CEP290: variants seen among roughly 807,000 people sequenced by gnomAD.
CEP290 encodes centrosomal protein of 290 kDa.
Under a neutral mutation model 344.9 loss-of-function variants are expected in CEP290, and 317 were observed. The ratio of observed to expected loss-of-function variants is 0.92; its 90% confidence interval spans 0.84 to 1.01. The LOEUF is 1.01. Among genes scored for constraint, CEP290 ranks in the 50% least tolerant of loss-of-function variants. CEP290 has a pLI of 0.00. For missense variants in CEP290, 2,754 were observed against 2,761.4 expected (o/e 1.00, Z 0.06); for synonymous variants, 932 against 895.8 (o/e 1.04, Z -0.72).
chr12:88,133,031 C>T (rs1268285151), intron 6 of CEP290, among the ~76,000 whole-genome samples: 1 of 151,316 alleles, frequency 6.6e-6, no homozygotes, highest in Non-Finnish European at 1.5e-5. Flanking sequence ...ATGGCTTCCA[C>T]CTCCATCCCA....
At chr12:88,117,464 G>C (rs924548053) in intron 17 of CEP290, among the ~76,000 whole-genome samples, 17 of 152,096 alleles carry the variant, frequency 1.1e-4, no homozygotes, top group African/African-American at 3.9e-4. Flanking sequence ...TGAGTAAACT[G>C]ATTATTGTAC....
chr12:88,106,613 C>T (rs1222577360), intron 25 of CEP290, 62 bp downstream of exon 25: 3 of 1,040,138 alleles, frequency 2.9e-6, no homozygotes, highest in East Asian at 5.0e-5. Flanking sequence ...TGATACCATC[C>T]TATCTTCTGC....
rs1366616977 is a variant in CEP290 at position 88,130,258 on chromosome 12, G to A, written c.669+10C>T. 6.3e-7 allele frequency: 1 copy of A among 1,591,694 alleles called. No individual in the cohort carries two copies. The highest frequency in any genetic ancestry group is 8.5e-7 in the Non-Finnish European group (1 of 1,173,810). On this transcript the variant is annotated intron_variant, in intron 9 of 53. Coordinates refer to ENST00000552810, the MANE Select transcript of CEP290 (RefSeq NM_025114.4). ...AACCATTGCTCTGAATTGACTTCTA[G>A]CCATTTTACCTGAATTTCATCAAGA... is the stretch of plus-strand genomic sequence containing the variant.
At chr12:88,083,664 T>C (rs919764588) in intron 36 of CEP290, among the ~76,000 whole-genome samples, 183 bp downstream of exon 36, 1 of 152,154 alleles carries the variant, frequency 6.6e-6, no homozygotes. Flanking sequence ...GGCTAAGAAT[T>C]ATAAATATAA....
At chr12:88,102,400 G>A (rs1326904585) in intron 26 of CEP290, among the ~76,000 whole-genome samples, 1 of 152,116 alleles carries the variant, frequency 6.6e-6, no homozygotes, top group Non-Finnish European at 1.5e-5. Context: ...CCATTCCAAG[G>A]AACAAAAGCC....
chr12:88,054,309 A>T (rs2033822892), intron 51 of CEP290, 31 bp downstream of exon 51: 1 of 1,465,766 alleles, frequency 6.8e-7, no homozygotes, highest in Non-Finnish European at 9.3e-7. Flanking sequence ...TAAAGAAAAA[A>T]ACAAAGTAGT....
chr12:88,078,896 C>T (rs2035980557), intron 39 of CEP290, among the ~76,000 whole-genome samples, 196 bp downstream of exon 39: 1 of 152,032 alleles, frequency 6.6e-6, no homozygotes, highest in East Asian at 1.9e-4. Context: ...CTTTCCTAAT[C>T]CCCAAGATGA....
At chr12:88,139,466 C>A (rs1184580610) in intron 4 of CEP290, 29 bp downstream of exon 4, 2 of 1,543,526 alleles carry the variant, frequency 1.3e-6, no homozygotes, top group Non-Finnish European at 1.8e-6. Flanking sequence ...TTATTTAATA[C>A]CATAATAAAC....
chr12:88,141,249 C>G lies in CEP290; in HGVS notation c.59G>C (p.Arg20Pro). 1 of 1,610,364 alleles carries G rather than the reference C, an allele frequency of 6.2e-7. No homozygotes were observed. Among genetic ancestry groups the G allele is most frequent in the Non-Finnish European group, 8.5e-7 (1 of 1,178,756 alleles). The part of the protein sequence containing the change: ...IMKVDPDDLP[R>P]QEELADNLLI... ...TAAATTATCTGCCAGTTCTTCTTGA[C>G]GGGGCAGGTCATCTGGGTCAACTTT... The change falls in exon 2 of 54, where the codon CGT (arginine) becomes CCT (proline). Residue 20 changes from arginine (R) to proline (P), a missense_variant. Physicochemically the swap from Arg to Pro is moderately radical, Grantham distance 103. Coordinates refer to ENST00000552810, the MANE Select transcript of CEP290 (RefSeq NM_025114.4).
At chr12:88,051,613 T>G (rs901151776) in intron 52 of CEP290, 5 of 152,114 alleles carry the variant, frequency 3.3e-5, no homozygotes, top group Non-Finnish European at 5.9e-5. Context: ...TGACAGGTAA[T>G]CTGTCTACTT....
chr12:88,136,416 T>C (rs757647305), intron 6 of CEP290: 4 of 463,712 alleles, frequency 8.6e-6, no homozygotes, highest in East Asian at 8.0e-5. Flanking sequence ...CTGAGAAAAA[T>C]GTACTTCCAA....
intron 27 of CEP290, 112 bp downstream of exon 27, chr12:88,096,776 T>C: frequency 1.7e-6 from 1 of 590,512 alleles, no homozygotes; most frequent in East Asian, 3.2e-5. Flanking sequence ...AAGTTCTTTC[T>C]TTTTTTAGTC....
chr12:88,071,908 T>A lies in CEP290; in HGVS notation c.5728A>T (p.Ile1910Phe), dbSNP rs1432184468. The A allele has an allele frequency of 6.3e-7, 1 of 1,596,322 alleles. No homozygotes were observed. Among genetic ancestry groups the A allele is most frequent in the East Asian group, 2.3e-5 (1 of 43,838 alleles). The change falls in exon 42 of 54, where the codon ATT becomes TTT. Residue 1910 changes from isoleucine (I) to phenylalanine (F), a missense_variant. Ile to Phe is a conservative substitution (Grantham distance 21). Coordinates refer to ENST00000552810, the MANE Select transcript of CEP290 (RefSeq NM_025114.4). ...MKEKNAKEEL[I>F]RWEEGKKWQA... The stretch of plus-strand genomic sequence containing the variant: ...CACTTTTTACCTTCTTCCCACCTAA[T>A]TAATTCTTCTTTAGCATTCTGTAAC...
intron 13 of CEP290, among the ~76,000 whole-genome samples, chr12:88,122,483 C>T (rs1309895104): frequency 1.3e-5 from 2 of 152,108 alleles, no homozygotes; most frequent in African/African-American, 4.8e-5. Context: ...CTCTCTGTTC[C>T]TGATAACTAA....
chr12:88,121,668 C>T (rs770896244), intron 13 of CEP290, among the ~76,000 whole-genome samples: 7 of 151,638 alleles, frequency 4.6e-5, no homozygotes, highest in African/African-American at 1.7e-4. Flanking sequence ...CTTCTCTTTC[C>T]TCCTTCCTGC....
chr12:88,115,554 T>C, intron 18 of CEP290: 1 of 1,291,192 alleles, frequency 7.7e-7, no homozygotes. Context: ...CAAGAATTCC[T>C]GTGCTATGAT....
rs768807929 is a variant in CEP290, at chr12:88,080,335, C to T, written c.5073G>A (p.Lys1691=). Residue 1691 remains lysine (K), a synonymous_variant, in exon 38 of 54, where the codon AAG becomes AAA. Transcript: ENST00000552810. ...CCTTTTGTGACTGGTCCAGAAGATA[C>T]TTTAAATCCTCTACTTCCGCTTTTA... ...KKVKAEVEDL[K]YLLDQSQKES... is the part of the protein sequence containing the mutation. 1.2e-6 allele frequency: 2 copies of T among 1,613,702 alleles called. No homozygotes were observed. Among genetic ancestry groups the T allele is most frequent in the Non-Finnish European group, 1.7e-6 (2 of 1,179,732 alleles).
chr12:88,093,837 T>C lies in CEP290; in HGVS notation c.3242A>G (p.Glu1081Gly). 6 of 1,612,982 alleles carry C rather than the reference T, an allele frequency of 3.7e-6. No individual in the cohort carries two copies. Among genetic ancestry groups the C allele is most frequent in the Non-Finnish European group, 5.1e-6 (6 of 1,179,354 alleles). ...QRAEHCQKMY[E>G]HLRTSLKQME... Reference sequence around the variant, plus strand: ...TTGCTTTAACGAAGTCCGTAAGTGTTCATACATTTTTTGACAATGTTCAGC... The same window carrying C: ...TTGCTTTAACGAAGTCCGTAAGTGTCCATACATTTTTTGACAATGTTCAGC... The change falls in exon 28 of 54, where the codon GAA (glutamate) becomes GGA (glycine). Residue 1081 changes from glutamate to glycine, a missense_variant. Physicochemically the swap from Glu to Gly is moderately conservative, Grantham distance 98. Transcript: ENST00000552810.
At chr12:88,069,150 T>C (rs1037795997) in intron 43 of CEP290, among the ~76,000 whole-genome samples, 13 of 152,232 alleles carry the variant, frequency 8.5e-5, no homozygotes, top group African/African-American at 2.6e-4. Context: ...TCCAACCTTA[T>C]TGTCCAGGGT....
Sources: allele counts gnomAD v4.1 joint callset (sites outside exome capture counted in the v4.1 genomes callset), GRCh38; gene constraint gnomAD v4.1.1; transcripts MANE v1.5; gene names NCBI Gene and HGNC (gene_info 2026-07-23, HGNC 2026-07-21).